The following ADAMTS18 variants were observed in gnomAD, a reference collection of about 807,000 sequenced individuals.
The protein encoded by ADAMTS18 is ADAM metallopeptidase with thrombospondin type 1 motif 18, also known as A disintegrin and metalloproteinase with thrombospondin motifs 18.
ADAMTS18 carries 157 observed loss-of-function variants against 165.9 expected under a neutral mutation model. That is an observed-to-expected ratio of 0.95 (90% CI 0.83 to 1.08). ADAMTS18 has a LOEUF of 1.08. Among genes scored for constraint, ADAMTS18 ranks in the 50% least tolerant of loss-of-function variants. ADAMTS18 has a pLI of 0.00. For synonymous variants in ADAMTS18, 782 were observed against 578.2 expected (o/e 1.35, Z -5.06); for missense variants, 2,040 against 1,534.0 (o/e 1.33, Z -5.51).
intron 3 of ADAMTS18, among the ~76,000 whole-genome samples, chr16:77,384,856 T>G (rs1037484820): frequency 6.6e-6 from 1 of 152,068 alleles, no homozygotes; most frequent in Non-Finnish European, 1.5e-5. Flanking sequence ...ATTTCATATA[T>G]AGTTATCAAA....
intron 13 of ADAMTS18, among the ~76,000 whole-genome samples, chr16:77,323,397 A>C (rs1400172437): frequency 6.6e-6 from 1 of 152,176 alleles, no homozygotes; most frequent in East Asian, 1.9e-4. Flanking sequence ...AAATATGCAC[A>C]TGCGTGGGTG....
At chr16:77,351,901 C>T (rs960946532) in intron 10 of ADAMTS18, among the ~76,000 whole-genome samples, 1 of 152,040 alleles carries the variant, frequency 6.6e-6, no homozygotes, top group Non-Finnish European at 1.5e-5. Flanking sequence ...GCCCAGCTAA[C>T]TTTTTTATTT....
At chr16:77,392,318 T>C (rs1381045417) in intron 3 of ADAMTS18, among the ~76,000 whole-genome samples, 1 of 152,158 alleles carries the variant, frequency 6.6e-6, no homozygotes, top group African/African-American at 2.4e-5. Flanking sequence ...CTAGTGCCCA[T>C]CCCTCATTAA....
At chr16:77,322,154 CAAAAAAA>C (rs36089291) in intron 14 of ADAMTS18, among the ~76,000 whole-genome samples, 175 bp downstream of exon 14, 5 of 73,344 alleles carry the variant, frequency 6.8e-5, no homozygotes, top group East Asian at 8.2e-4. Flanking sequence ...AATTTCATCT[CAAAAAAA>C]AAAAAAAAAA....
rs2055194989 is a variant in ADAMTS18, at chr16:77,283,827, G to GGCTCCTTCATCA, written c.*117_*128dup. 1.4e-6 allele frequency: 1 copy of GGCTCCTTCATCA among 736,118 alleles called. No homozygotes were observed. The highest frequency in any genetic ancestry group is 2.4e-6 in the Non-Finnish European group (1 of 414,712). The allele number at this position is 736,118 out of a possible 1,614,324, so 45.6% of individuals were successfully genotyped here. On this transcript the variant is annotated 3_prime_UTR_variant, in exon 23 of 23. Transcript: ENST00000282849. ...GGCAACCTGTCTGTTCCTCAGAGCA[G>GGCTCCTTCATCA]GCTCCTTCATCACAGCGGCAGCTCA...
intron 3 of ADAMTS18, among the ~76,000 whole-genome samples, chr16:77,428,284 G>T (rs1019065202): frequency 1.3e-5 from 2 of 152,078 alleles, no homozygotes; most frequent in African/African-American, 4.8e-5. Context: ...TTAAAGGCTT[G>T]TTCCTTTTCT....
chr16:77,315,360 C>G (rs965317537), intron 16 of ADAMTS18, among the ~76,000 whole-genome samples: 3 of 152,146 alleles, frequency 2.0e-5, no homozygotes, highest in African/African-American at 7.2e-5. Context: ...ATTTGCATAG[C>G]TCTTGCGTAT....
At chr16:77,297,507 T>C (rs2055497362) in intron 17 of ADAMTS18, 92 bp from the exon 18 acceptor site, 22 of 1,349,252 alleles carry the variant, frequency 1.6e-5, no homozygotes, top group Non-Finnish European at 1.2e-5. Context: ...AGCATTGTGA[T>C]ATTTTATTTC....
intron 22 of ADAMTS18, among the ~76,000 whole-genome samples, chr16:77,284,897 C>T (rs2055218430): frequency 1.3e-5 from 2 of 152,050 alleles, no homozygotes; most frequent in South Asian, 4.1e-4. Context: ...GGGAGTCAAG[C>T]CACCTTATTT....
chr16:77,330,529 G>C (rs1443161026), intron 12 of ADAMTS18, among the ~76,000 whole-genome samples: 2 of 152,172 alleles, frequency 1.3e-5, no homozygotes, highest in Non-Finnish European at 2.9e-5. Context: ...TAGGCAGCAG[G>C]TTTCAACTCA....
At chr16:77,383,438 G>C (rs2057061085) in intron 3 of ADAMTS18, among the ~76,000 whole-genome samples, 1 of 152,054 alleles carries the variant, frequency 6.6e-6, no homozygotes, top group African/African-American at 2.4e-5. Context: ...AAATAAAAAA[G>C]CCAAGTTCCC....
chr16:77,321,541 T>G (rs1054166003), intron 14 of ADAMTS18, among the ~76,000 whole-genome samples: 3 of 152,184 alleles, frequency 2.0e-5, no homozygotes, highest in Non-Finnish European at 2.9e-5. Context: ...CATGCATGCA[T>G]GTGTACAAAC....
At chr16:77,299,704 A>C (rs1467060540) in intron 17 of ADAMTS18, among the ~76,000 whole-genome samples, 5 of 152,280 alleles carry the variant, frequency 3.3e-5, no homozygotes, top group African/African-American at 1.2e-4. Flanking sequence ...CCTTCCTTCT[A>C]CTCACCCAGT....
At chr16:77,371,509 C>T (rs1159312095) in intron 3 of ADAMTS18, among the ~76,000 whole-genome samples, 1 of 151,994 alleles carries the variant, frequency 6.6e-6, no homozygotes, top group Non-Finnish European at 1.5e-5. Context: ...TTAACAAAGG[C>T]ACTAAAAACA....
intron 3 of ADAMTS18, among the ~76,000 whole-genome samples, chr16:77,420,397 G>A (rs1227045662): frequency 6.6e-6 from 1 of 151,954 alleles, no homozygotes; most frequent in Non-Finnish European, 1.5e-5. Context: ...ACTACCCTGG[G>A]GAGTCTTTAA....
chr16:77,307,800 T>C (rs1296714456), intron 16 of ADAMTS18, among the ~76,000 whole-genome samples: 1 of 152,136 alleles, frequency 6.6e-6, no homozygotes, highest in Non-Finnish European at 1.5e-5. Context: ...CTTGAGGCAC[T>C]TCCTTACTCA....
rs778413680 is a variant in ADAMTS18, at chr16:77,300,346, A to G, written c.2591T>C (p.Met864Thr). 2 of 1,614,050 alleles carry G rather than the reference A, an allele frequency of 1.2e-6. No homozygotes were observed. The highest frequency in any genetic ancestry group is 1.7e-4 in the Middle Eastern group (1 of 6,048). The change falls in exon 17 of 23, where the codon ATG (methionine) becomes ACG (threonine). Residue 864 changes from methionine (M) to threonine (T), a missense_variant. By Grantham distance (81) the Met-to-Thr change is moderately conservative. Transcript: ENST00000282849. Reference sequence around the variant, plus strand: ...TTTTGTGGCTGGTGGAGTTCCATTCATGACCTTGGGAAGTGCATACTTCCA... The same window carrying G: ...TTTTGTGGCTGGTGGAGTTCCATTCGTGACCTTGGGAAGTGCATACTTCCA... ...IAWKYALPKVMNGTPPATKRP... is the reference protein window; with the variant it reads ...IAWKYALPKVTNGTPPATKRP...
intron 11 of ADAMTS18, among the ~76,000 whole-genome samples, chr16:77,340,503 C>G (rs182575742): frequency 2.6e-5 from 4 of 152,252 alleles, no homozygotes; most frequent in African/African-American, 7.2e-5. Context: ...AGAAATACAA[C>G]TCTGGTTTAT....
intron 3 of ADAMTS18, among the ~76,000 whole-genome samples, chr16:77,407,917 G>A (rs1228331363): frequency 1.3e-5 from 2 of 151,888 alleles, no homozygotes; most frequent in Non-Finnish European, 2.9e-5. Context: ...GATAAATTGC[G>A]AGAAATTAAA....
Sources: allele counts gnomAD v4.1 joint callset (sites outside exome capture counted in the v4.1 genomes callset), GRCh38; gene constraint gnomAD v4.1.1; transcripts MANE v1.5; gene names NCBI Gene and HGNC (gene_info 2026-07-23, HGNC 2026-07-21).